Variants in FSTL5 observed in about 807,000 individuals in gnomAD.
FSTL5 encodes the protein follistatin-related protein 5.
A neutral mutation model predicts 89.1 loss-of-function variants in FSTL5; 62 were observed. The observed-to-expected ratio is 0.70, with a 90% CI of 0.57 to 0.86. The LOEUF (loss-of-function observed/expected upper bound fraction) is 0.86, where lower values mean the gene tolerates loss of function less well. Among genes scored for constraint, FSTL5 ranks in the 40% least tolerant of loss-of-function variants. The pLI is 0.00. For synonymous variants in FSTL5, 383 were observed against 346.2 expected, an observed-to-expected ratio of 1.11 and a Z score of -1.18; for missense variants, 1,057 against 1,001.6, an observed-to-expected ratio of 1.06 and a Z score of -0.75.
At chr4:161,681,310 A>G (rs2126708761) in intron 6 of FSTL5, among the ~76,000 whole-genome samples, 1 of 152,242 alleles carries the variant, frequency 6.6e-6, no homozygotes, top group South Asian at 2.1e-4. Flanking sequence ...ATCACTGAAA[A>G]ACTGAGAAAT....
intron 3 of FSTL5, among the ~76,000 whole-genome samples, chr4:161,940,561 A>G (rs1734552809): frequency 6.6e-6 from 1 of 151,838 alleles, no homozygotes; most frequent in African/African-American, 2.4e-5. Context: ...AATACAAATA[A>G]CAGCTGATTT....
chr4:161,992,879 T>C (rs1296879583), intron 3 of FSTL5, among the ~76,000 whole-genome samples: 1 of 14,126 alleles, frequency 7.1e-5, no homozygotes, highest in African/African-American at 2.1e-4. Context: ...TATATATATA[T>C]ATATATATAT....
Position 161,909,752 on chromosome 4 carries a change from A to G in FSTL5, c.409+10652T>C, listed in dbSNP as rs182072689. Among the ~76,000 whole-genome samples, 183 of 152,094 alleles carry G rather than the reference A, an allele frequency of 1.2e-3. 6 individuals are homozygous for G. The East Asian group carries it at 0.033, about 28-fold the overall frequency. ...GAAGCCATGCTCTCATCTAAAGCTA[A>G]ATCTGCCACTTGTGTATTGGGTCTC... On this transcript the variant is annotated intron_variant, in intron 4 of 15. Coordinates refer to ENST00000306100, the MANE Select transcript of FSTL5 (RefSeq NM_020116.5).
At chr4:161,718,958 G>A (rs1739099043) in intron 6 of FSTL5, among the ~76,000 whole-genome samples, 1 of 152,102 alleles carries the variant, frequency 6.6e-6, no homozygotes, top group African/African-American at 2.4e-5. Flanking sequence ...GCTTTAAATG[G>A]GAAGAAGAAG....
rs896756174 is a variant in FSTL5, at chr4:161,557,427, A to G, written c.1016-14734T>C. On this transcript the variant is annotated intron_variant, in intron 8 of 15. Transcript: ENST00000306100. Reference sequence around the variant, plus strand: ...TACAGGAGAGTTATGCTGTTATTTTACACTTAGTAAAATTAAAAATGTTTA... The same window carrying G: ...TACAGGAGAGTTATGCTGTTATTTTGCACTTAGTAAAATTAAAAATGTTTA... Among the ~76,000 whole-genome samples, 9 of 151,662 alleles carry G rather than the reference A, an allele frequency of 5.9e-5. No homozygotes were observed. The South Asian group carries it at 1.2e-3, about 21-fold the overall frequency.
chr4:162,036,253 G>A (rs1214916068), intron 2 of FSTL5, among the ~76,000 whole-genome samples: 1 of 151,994 alleles, frequency 6.6e-6, no homozygotes, highest in East Asian at 1.9e-4. Flanking sequence ...TGGCCTATCT[G>A]TAATGTTTCA....
intron 1 of FSTL5, among the ~76,000 whole-genome samples, chr4:162,152,015 C>T (rs965513820): frequency 1.3e-5 from 2 of 152,028 alleles, no homozygotes; most frequent in African/African-American, 4.8e-5. Flanking sequence ...AGAGTAGCAT[C>T]CAGAGCAGTT....
Position 161,578,338 on chromosome 4 carries a change from G to A in FSTL5, c.1015+9117C>T, listed in dbSNP as rs114788541. On this transcript the variant is annotated intron_variant, in intron 8 of 15. Coordinates refer to ENST00000306100, the MANE Select transcript of FSTL5 (RefSeq NM_020116.5). ...ATTTAGGAAAAAGAACTCTGGTAGA[G>A]AATAACAGCTGATTAGACATACAGA... is the stretch of plus-strand genomic sequence containing the variant. Among the ~76,000 whole-genome samples, 1,167 of 152,058 alleles carry A rather than the reference G, an allele frequency of 7.7e-3. 12 individuals are homozygous for A. The highest frequency in any genetic ancestry group is 0.012 in the Non-Finnish European group (805 of 67,962).
intron 3 of FSTL5, among the ~76,000 whole-genome samples, chr4:161,981,969 T>C (rs1402492953): frequency 6.6e-6 from 1 of 152,212 alleles, no homozygotes; most frequent in Non-Finnish European, 1.5e-5. Flanking sequence ...AGAGATAATA[T>C]TTTGGGAAAA....
At chr4:161,659,889 A>G (rs1308664918) in intron 6 of FSTL5, among the ~76,000 whole-genome samples, 11 of 152,208 alleles carry the variant, frequency 7.2e-5, no homozygotes, top group Admixed American at 7.2e-4. Flanking sequence ...AGTTATGTAC[A>G]GAAACTATCT....
chr4:161,826,544 T>C (rs577969509), intron 4 of FSTL5, among the ~76,000 whole-genome samples: 3 of 152,292 alleles, frequency 2.0e-5, no homozygotes, highest in African/African-American at 7.2e-5. Context: ...CTGGTAGTAA[T>C]TGTTTTATAA....
chr4:162,067,076 C>T (rs898133044), intron 2 of FSTL5, among the ~76,000 whole-genome samples: 2 of 152,040 alleles, frequency 1.3e-5, no homozygotes, highest in Non-Finnish European at 2.9e-5. Context: ...TGTTCTGTCA[C>T]CCAGGCTGGA....
intron 3 of FSTL5, among the ~76,000 whole-genome samples, chr4:161,955,963 G>A (rs867981552): frequency 2.0e-5 from 3 of 151,774 alleles, no homozygotes; most frequent in Middle Eastern, 3.4e-3. Context: ...ACTGAGACAT[G>A]CCTAAACATG....
chr4:161,612,146 CAAGTG>C (rs1310514720), intron 7 of FSTL5, among the ~76,000 whole-genome samples: 2 of 151,936 alleles, frequency 1.3e-5, no homozygotes, highest in Non-Finnish European at 2.9e-5. Flanking sequence ...AATTGCAAAA[CAAGTG>C]AAGAAAATAG....
Position 161,519,397 on chromosome 4 carries a change from G to C in FSTL5, c.1313-8973C>G, listed in dbSNP as rs151143495. Among the ~76,000 whole-genome samples, 645 of 152,100 alleles carry C rather than the reference G, an allele frequency of 4.2e-3. 12 individuals are homozygous for C. The South Asian group carries it at 0.049, about 12-fold the overall frequency. On this transcript the variant is annotated intron_variant, in intron 10 of 15. Transcript: ENST00000306100. ...AAAAATTAGCCAGGAGTGGTGGTGG[G>C]CACCTGTAGTCCCCGCTACTCGGGG...
chr4:161,688,566 G>T (rs561874108), intron 6 of FSTL5, among the ~76,000 whole-genome samples: 103 of 152,302 alleles, frequency 6.8e-4, no homozygotes, highest in Middle Eastern at 3.4e-3. Flanking sequence ...TGGAATGGAA[G>T]GTTGGCAAAG....
intron 5 of FSTL5, among the ~76,000 whole-genome samples, chr4:161,767,317 C>T (rs1039245809): frequency 1.3e-5 from 2 of 152,136 alleles, no homozygotes; most frequent in African/African-American, 4.8e-5. Flanking sequence ...GAGTGACTCA[C>T]GATGTACTTA....
At chr4:161,424,418 T>G (rs1246716376) in intron 15 of FSTL5, among the ~76,000 whole-genome samples, 3 of 151,964 alleles carry the variant, frequency 2.0e-5, no homozygotes, top group African/African-American at 2.4e-5. Context: ...GTTTTTTTTT[T>G]TTAGGTTTTA....
At chr4:161,672,419 C>A (rs1250399441) in intron 6 of FSTL5, among the ~76,000 whole-genome samples, 2 of 152,112 alleles carry the variant, frequency 1.3e-5, no homozygotes, top group Non-Finnish European at 2.9e-5. Context: ...AGGAGCCTAA[C>A]TTCATTAAGT....
Sources: allele counts gnomAD v4.1 joint callset (sites outside exome capture counted in the v4.1 genomes callset), GRCh38; gene constraint gnomAD v4.1.1; transcripts MANE v1.5; gene names NCBI Gene and HGNC (gene_info 2026-07-23, HGNC 2026-07-21).